ZNF469: variants seen among roughly 807,000 people sequenced by gnomAD.
ZNF469 encodes zinc finger protein 469.
ZNF469 carries 1 observed loss-of-function variant against 1.0 expected under a neutral mutation model. The observed-to-expected ratio is 1.00, with a 90% CI of 0.35 to 4.73. ZNF469 has a LOEUF of 4.73. Among genes scored for constraint, ZNF469 ranks in the 30% most tolerant of loss-of-function variants. The pLI is 0.16. For missense variants in ZNF469, 6,100 were observed against 5,356.3 expected (o/e 1.14, Z -4.33); for synonymous variants, 2,703 against 2,363.4 (o/e 1.14, Z -4.17).
chr16:88,225,849 G>C, the ZNF469 span, among the ~76,000 whole-genome samples: 2 of 152,224 alleles, frequency 1.3e-5, no homozygotes, highest in South Asian at 4.1e-4. Flanking sequence ...AATGTCAGCT[G>C]TTTGCAAAGT....
In ZNF469 at chr16:88,434,473, G is replaced by C; in HGVS notation, c.7003G>C (p.Ala2335Pro). 6 of 1,549,858 alleles carry C rather than the reference G, an allele frequency of 3.9e-6. No homozygotes were observed. The highest frequency in any genetic ancestry group is 5.2e-6 in the Non-Finnish European group (6 of 1,146,942). The change falls in exon 3 of 3, where the codon GCC becomes CCC. Residue 2335 changes from alanine (A) to proline (P), a missense_variant. Coordinates refer to ENST00000565624, the MANE Select transcript of ZNF469 (RefSeq NM_001367624.2). The stretch of plus-strand genomic sequence containing the variant: ...CTCCTCGTATTCTCCAAGCAATACT[G>C]CCCGCCTCGGCCACAGGGAGGGCCA... ...GHSSYSPSNT[A>P]RLGHREGQAV...
rs1411218089 is a variant in ZNF469 at position 88,433,063 on chromosome 16, C to G, written c.5593C>G (p.Leu1865Val). 1.3e-6 allele frequency: 2 copies of G among 1,550,308 alleles called. No homozygotes were observed. Among genetic ancestry groups the G allele is most frequent in the Non-Finnish European group, 1.7e-6 (2 of 1,146,950 alleles). Residue 1865 changes from leucine to valine, a missense_variant, in exon 3 of 3, where the codon CTG becomes GTG. Leu to Val is a conservative substitution (Grantham distance 32). Coordinates refer to ENST00000565624, the MANE Select transcript of ZNF469 (RefSeq NM_001367624.2). ...GTTTGCACCGGCGGGGGCCTCCTCA[C>G]TGACTGCCCCCCGGGGCAGGGAGGC... ...NEFAPAGASS[L>V]TAPRGREAWL...
chr16:88,167,623 G>C, the ZNF469 span, among the ~76,000 whole-genome samples: 3 of 151,876 alleles, frequency 2.0e-5, no homozygotes, highest in Admixed American at 6.5e-5. Flanking sequence ...TTTCCAAGGT[G>C]GGGGGCAGGA....
the ZNF469 span, among the ~76,000 whole-genome samples, chr16:88,186,965 A>T: frequency 1.3e-5 from 2 of 152,028 alleles, no homozygotes; most frequent in Non-Finnish European, 2.9e-5. Context: ...CACTGCAGAG[A>T]CGGGCTCCAG....
chr16:88,287,233 T>A, the ZNF469 span, among the ~76,000 whole-genome samples: 2 of 152,266 alleles, frequency 1.3e-5, no homozygotes, highest in African/African-American at 2.4e-5. Flanking sequence ...CTTGTGTGAA[T>A]GTGCCACAAT....
chr16:88,380,817 GAC>G (rs372021228), upstream of ZNF469, among the ~76,000 whole-genome samples: 1,091 of 72,270 alleles, frequency 0.015, 10 homozygotes, highest in African/African-American at 0.035. Context: ...CACACACCCA[GAC>G]ACACACACAC....
At chr16:88,273,394 C>G in the ZNF469 span, among the ~76,000 whole-genome samples, 765 of 151,922 alleles carry the variant, frequency 5.0e-3, 6 homozygotes, top group African/African-American at 0.018. Flanking sequence ...CATGAAAAGA[C>G]GCACAATATC....
At chr16:88,419,660 C>T (rs1905399572) in intron 1 of ZNF469, among the ~76,000 whole-genome samples, 1 of 152,216 alleles carries the variant, frequency 6.6e-6, no homozygotes, top group Non-Finnish European at 1.5e-5. Flanking sequence ...GAAGCGCCGT[C>T]TGCCCCCTCA....
Position 88,435,728 on chromosome 16 carries a change from G to A in ZNF469, c.8258G>A (p.Arg2753Lys). The change falls in exon 3 of 3, where the codon AGG (arginine) becomes AAG (lysine). Residue 2753 changes from arginine to lysine, a missense_variant. Arg to Lys is a conservative substitution (Grantham distance 26). Transcript: ENST00000565624. ...QPTGQKGASARGFWGPRETKA... is the reference protein window; with the variant it reads ...QPTGQKGASAKGFWGPRETKA... ...ACTGGGCAGAAGGGAGCCTCGGCAA[G>A]GGGGTTCTGGGGACCAAGAGAGACC... The A allele has an allele frequency of 1.9e-6, 3 of 1,550,868 alleles. No homozygotes were observed. The highest frequency in any genetic ancestry group is 2.4e-5 in the South Asian group (2 of 84,068).
the ZNF469 span, among the ~76,000 whole-genome samples, chr16:88,181,352 G>A: frequency 0.056 from 8,478 of 152,210 alleles, 375 homozygotes; most frequent in African/African-American, 0.1. Flanking sequence ...TGACAGGCGT[G>A]AGCCACCACT....
rs2142318334 is a variant in ZNF469, at chr16:88,439,196, C to G, written c.11726C>G (p.Thr3909Arg). Residue 3909 changes from threonine to arginine, a missense_variant, in exon 3 of 3, where the codon ACA becomes AGA. By Grantham distance (71) the Thr-to-Arg change is moderately conservative. Transcript: ENST00000565624. ...CTGCTCAGGCCCCCCAAGAGGGGCA[C>G]AGCTGTCCACGGTGCTGAACCTGCC... Reference protein sequence around the residue: ...RPLLRPPKRGTAVHGAEPAEP... With the variant: ...RPLLRPPKRGRAVHGAEPAEP... 1 of 1,550,178 alleles carries G rather than the reference C, an allele frequency of 6.5e-7. No individual in the cohort carries two copies. The highest frequency in any genetic ancestry group is 2.0e-5 in the Admixed American group (1 of 50,998).
At chr16:88,173,403 G>A in the ZNF469 span, among the ~76,000 whole-genome samples, 4 of 152,122 alleles carry the variant, frequency 2.6e-5, no homozygotes, top group Non-Finnish European at 5.9e-5. Context: ...CAAAATTGGA[G>A]ATAATGACTA....
At chr16:88,342,835 G>C in the ZNF469 span, among the ~76,000 whole-genome samples, 1 of 152,174 alleles carries the variant, frequency 6.6e-6, no homozygotes, top group Non-Finnish European at 1.5e-5. Context: ...AGCATAGGGC[G>C]ATACCCGTCA....
At chr16:88,162,608 A>G in the ZNF469 span, among the ~76,000 whole-genome samples, 3 of 152,222 alleles carry the variant, frequency 2.0e-5, no homozygotes, top group Non-Finnish European at 4.4e-5. Flanking sequence ...ATAAATACAC[A>G]CAAATGTCAG....
At chr16:88,337,726 C>T in the ZNF469 span, among the ~76,000 whole-genome samples, 1 of 152,194 alleles carries the variant, frequency 6.6e-6, no homozygotes, top group Non-Finnish European at 1.5e-5. Flanking sequence ...AGGGGCAGCT[C>T]GCCGCAGCTG....
chr16:88,302,906 G>A, the ZNF469 span, among the ~76,000 whole-genome samples: 1 of 152,360 alleles, frequency 6.6e-6, no homozygotes, highest in East Asian at 1.9e-4. Flanking sequence ...CCGAAAAGGG[G>A]AGGCTTGGCA....
At chr16:88,115,870 C>T in the ZNF469 span, among the ~76,000 whole-genome samples, 1 of 152,218 alleles carries the variant, frequency 6.6e-6, no homozygotes, top group Non-Finnish European at 1.5e-5. Context: ...GGCTTGTGGC[C>T]ACATTGCTCT....
chr16:88,272,839 T>C, the ZNF469 span, among the ~76,000 whole-genome samples: 1 of 147,088 alleles, frequency 6.8e-6, no homozygotes, highest in East Asian at 2.0e-4. Context: ...GGTGGGTGTG[T>C]GGATAGACGA....
chr16:88,294,539 G>A, the ZNF469 span, among the ~76,000 whole-genome samples: 1 of 152,300 alleles, frequency 6.6e-6, no homozygotes, highest in East Asian at 1.9e-4. Flanking sequence ...ATACAACCCT[G>A]CATTAAGAGC....
Sources: gnomAD v4.1 joint callset for allele counts (sites outside exome capture counted in the v4.1 genomes callset) on GRCh38, gnomAD v4.1.1 for gene constraint, MANE v1.5 for transcripts, NCBI Gene and HGNC (gene_info 2026-07-23, HGNC 2026-07-21) for gene names.